ZNF487: variants seen among roughly 807,000 people sequenced by gnomAD.
ZNF487 encodes KRAB domain only 1.
In ZNF487, 4 loss-of-function variants were observed where a neutral mutation model predicts 3.0. That is an observed-to-expected ratio of 1.35 (90% CI 0.66 to 3.08). ZNF487 has a LOEUF of 3.08. Ranked by LOEUF, ZNF487 falls within the 30% of genes most tolerant of loss-of-function variation. ZNF487 has a pLI of 0.01. For synonymous variants in ZNF487, 55 were observed against 34.6 expected, an observed-to-expected ratio of 1.59 and a Z score of -2.06; for missense variants, 146 against 98.7, an observed-to-expected ratio of 1.48 and a Z score of -2.03.
At chr10:43,512,690 T>C in the ZNF487 span, among the ~76,000 whole-genome samples, 1 of 152,216 alleles carries the variant, frequency 6.6e-6, no homozygotes, top group Non-Finnish European at 1.5e-5. Flanking sequence ...TTGGGTCATA[T>C]GGCTCAAGTG....
chr10:43,493,093 G>A, the ZNF487 span, among the ~76,000 whole-genome samples: 1 of 152,120 alleles, frequency 6.6e-6, no homozygotes, highest in African/African-American at 2.4e-5. Flanking sequence ...AGCTGGGTGT[G>A]GTGTCGCATG....
chr10:43,519,578 C>T, the ZNF487 span, among the ~76,000 whole-genome samples: 14 of 151,542 alleles, frequency 9.2e-5, no homozygotes, highest in African/African-American at 3.1e-4. Flanking sequence ...GGCATTTCTT[C>T]TGCCTCAGCC....
chr10:43,464,805 A>G (rs1207749760), intron 1 of ZNF487, among the ~76,000 whole-genome samples: 1 of 152,150 alleles, frequency 6.6e-6, no homozygotes, highest in Non-Finnish European at 1.5e-5. Flanking sequence ...CAATTTCTCA[A>G]TCTTTTCCCC....
At chr10:43,497,522 T>C in the ZNF487 span, among the ~76,000 whole-genome samples, 2 of 152,194 alleles carry the variant, frequency 1.3e-5, no homozygotes, top group African/African-American at 4.8e-5. Flanking sequence ...AATCCTGCAA[T>C]GGCCCACAAC....
chr10:43,519,093 T>G, the ZNF487 span, among the ~76,000 whole-genome samples: 1 of 152,158 alleles, frequency 6.6e-6, no homozygotes, highest in Non-Finnish European at 1.5e-5. Flanking sequence ...TCAAAAATTT[T>G]TTTTTTGAGA....
At chr10:43,498,276 T>A in the ZNF487 span, among the ~76,000 whole-genome samples, 51 of 139,650 alleles carry the variant, frequency 3.7e-4, no homozygotes, top group Middle Eastern at 0.011. Context: ...ATATATATAT[T>A]TTTTTCTTTT....
At chr10:43,444,093 T>G (rs921110463) in intron 1 of ZNF487, among the ~76,000 whole-genome samples, 1 of 152,002 alleles carries the variant, frequency 6.6e-6, no homozygotes, top group Admixed American at 6.6e-5. Flanking sequence ...GACCTCGTGA[T>G]CCGCCTGCCT....
intron 1 of ZNF487, among the ~76,000 whole-genome samples, chr10:43,459,497 TGG>T (rs1375461183): frequency 6.6e-6 from 1 of 152,140 alleles, no homozygotes; most frequent in Non-Finnish European, 1.5e-5. Flanking sequence ...CCCCAAATGC[TGG>T]GATTACAGGC....
intron 1 of ZNF487, among the ~76,000 whole-genome samples, chr10:43,442,227 C>T (rs1356746394): frequency 1.3e-5 from 2 of 150,728 alleles, no homozygotes; most frequent in Middle Eastern, 3.2e-3. Context: ...CAGAGGGAGA[C>T]CCTGTCTCTA....
intron 1 of ZNF487, among the ~76,000 whole-genome samples, chr10:43,447,984 CA>C (rs1182198035): frequency 2.7e-5 from 3 of 112,086 alleles, no homozygotes; most frequent in African/African-American, 9.0e-5. Context: ...TCTTGGAAAC[CA>C]TTTTTTTTTT....
intron 1 of ZNF487, among the ~76,000 whole-genome samples, chr10:43,467,641 A>T (rs1199444162): frequency 6.6e-6 from 1 of 151,300 alleles, no homozygotes; most frequent in East Asian, 2.0e-4. Context: ...ACATGGTGAA[A>T]CCTTGTCTCT....
intron 1 of ZNF487, among the ~76,000 whole-genome samples, chr10:43,461,316 G>GTT (rs138594367): frequency 1.4e-5 from 2 of 147,934 alleles, no homozygotes; most frequent in African/African-American, 2.5e-5. Flanking sequence ...CCAGTCTTTT[G>GTT]TTTTTTTTTT....
At chr10:43,441,733 C>T (rs1389526392) in intron 1 of ZNF487, among the ~76,000 whole-genome samples, 2 of 152,014 alleles carry the variant, frequency 1.3e-5, no homozygotes, top group Non-Finnish European at 2.9e-5. Flanking sequence ...ATTATAGGTG[C>T]ATGCCACTGT....
the ZNF487 span, among the ~76,000 whole-genome samples, chr10:43,492,455 A>ATTT: frequency 0.73 from 109,515 of 150,606 alleles, 41,520 homozygotes; most frequent in East Asian, 0.93. Context: ...ATTTTATTTT[A>ATTT]TTTTATTTTA....
At chr10:43,461,493 G>T (rs1840430161) in intron 1 of ZNF487, among the ~76,000 whole-genome samples, 1 of 151,692 alleles carries the variant, frequency 6.6e-6, no homozygotes, top group African/African-American at 2.4e-5. Context: ...TTACTTTTTT[G>T]TATTTTTTTT....
chr10:43,483,736 C>T (rs2132162593), downstream of ZNF487, among the ~76,000 whole-genome samples: 1 of 152,286 alleles, frequency 6.6e-6, no homozygotes, highest in South Asian at 2.1e-4. Flanking sequence ...CTATGTTGGC[C>T]AGGGTGGTCT....
chr10:43,491,221 G>A, the ZNF487 span, among the ~76,000 whole-genome samples: 7 of 151,762 alleles, frequency 4.6e-5, no homozygotes, highest in Middle Eastern at 3.4e-3. Context: ...TGATTCACCC[G>A]CCTCAGCCTC....
chr10:43,506,666 TC>T, the ZNF487 span, among the ~76,000 whole-genome samples: 3 of 152,246 alleles, frequency 2.0e-5, no homozygotes, highest in African/African-American at 7.2e-5. Context: ...AAAGCCTGCC[TC>T]CCAAAGCCCT....
At chr10:43,518,488 G>A in the ZNF487 span, among the ~76,000 whole-genome samples, 1 of 152,070 alleles carries the variant, frequency 6.6e-6, no homozygotes, top group African/African-American at 2.4e-5. Context: ...TAAAGTTTAT[G>A]TTTTTGATGA....
Sources: gnomAD v4.1 joint callset for allele counts (sites outside exome capture counted in the v4.1 genomes callset) on GRCh38, gnomAD v4.1.1 for gene constraint, MANE v1.5 for transcripts, NCBI Gene and HGNC (gene_info 2026-07-23, HGNC 2026-07-21) for gene names.